Variants in USP28 observed in about 807,000 individuals in gnomAD.
The protein encoded by USP28 is ubiquitin specific peptidase 28.
Under a neutral mutation model 145.0 loss-of-function variants are expected in USP28, and 113 were observed. The ratio of observed to expected loss-of-function variants is 0.78; its 90% CI spans 0.67 to 0.91. The LOEUF (loss-of-function observed/expected upper bound fraction) is 0.91. Ranked by LOEUF, USP28 falls within the 40% of genes least tolerant of loss-of-function variation. The pLI, the probability that USP28 is intolerant of heterozygous loss-of-function variation, is 0.00. For missense variants in USP28, 1,201 were observed against 1,289.6 expected (o/e 0.93, Z 1.05); for synonymous variants, 447 against 450.9 (o/e 0.99, Z 0.11).
chr11:113,856,997 C>T (rs1947117201), intron 1 of USP28, among the ~76,000 whole-genome samples: 1 of 152,210 alleles, frequency 6.6e-6, no homozygotes, highest in African/African-American at 2.4e-5. Context: ...AACCAGCTAT[C>T]ATCAGAAGTA....
chr11:113,840,446 A>C, intron 5 of USP28, 152 bp downstream of exon 5: 1 of 980,242 alleles, frequency 1.0e-6, no homozygotes, highest in East Asian at 2.7e-5. Context: ...TTAGACATCA[A>C]AGCATCTAAA....
chr11:113,828,491 G>A (rs1943625166), intron 10 of USP28, among the ~76,000 whole-genome samples: 1 of 152,142 alleles, frequency 6.6e-6, no homozygotes. Flanking sequence ...GCTCATGTTA[G>A]GCTCCCTATT....
rs549826774 is a variant in USP28 at position 113,874,640 on chromosome 11, G to A, written c.57+805C>T. The A allele has an allele frequency of 4.9e-5, 63 of 1,282,160 alleles. No homozygotes were observed. The African/African-American group carries it at 9.2e-4, about 19-fold the overall frequency. 79.4% of individuals were successfully genotyped at this position (1,282,160 alleles called of 1,614,324 possible). A position where few individuals can be genotyped will look rare whatever the true frequency, so the allele number is the denominator to read the frequency against. ...AAAAGTGCAGTACTTGAGGGGTGAG[G>A]AGGTGGTGTTAAGTTATAACATTCC... On this transcript the variant is annotated intron_variant, in intron 1 of 24. Coordinates refer to ENST00000003302, the Ensembl canonical transcript of USP28.
chr11:113,839,338 A>G (rs1944934401), intron 5 of USP28, among the ~76,000 whole-genome samples: 1 of 152,166 alleles, frequency 6.6e-6, no homozygotes, highest in African/African-American at 2.4e-5. Flanking sequence ...TAATCCCAGC[A>G]CTTTGGAAGG....
At chr11:113,803,231 G>A in exon 23 of USP28, 1 of 1,614,036 alleles carries the variant, frequency 6.2e-7, no homozygotes, top group Non-Finnish European at 8.5e-7. Flanking sequence ...CATCAGCAGG[G>A]CAGCATTGCT....
intron 2 of USP28, among the ~76,000 whole-genome samples, chr11:113,853,139 C>T (rs1198292107): frequency 1.3e-5 from 2 of 151,806 alleles, no homozygotes; most frequent in Non-Finnish European, 2.9e-5. Flanking sequence ...CCCATCCCTA[C>T]CAAAAATACA....
intron 1 of USP28, among the ~76,000 whole-genome samples, chr11:113,870,441 C>A (rs1432543312): frequency 6.6e-6 from 1 of 152,204 alleles, no homozygotes; most frequent in South Asian, 2.1e-4. Flanking sequence ...GTGGGAGGAT[C>A]GCTTGAGCCT....
intron 12 of USP28, among the ~76,000 whole-genome samples, chr11:113,819,426 T>C (rs1453430662): frequency 6.6e-6 from 1 of 152,120 alleles, no homozygotes; most frequent in Non-Finnish European, 1.5e-5. Context: ...ATTTTTATTC[T>C]TAAACTGTAA....
rs556147385 is a variant in USP28 at position 113,806,162 on chromosome 11, C to A, written c.2400+327G>T. On this transcript the variant is annotated intron_variant, in intron 19 of 24. Coordinates refer to ENST00000003302, the Ensembl canonical transcript of USP28. ...CTATGTTGACCCGGCTGGTTTTGAA[C>A]TCCTGGCTTCAAGCAAGCCTCCCTC... Among the ~76,000 whole-genome samples the A allele has an allele frequency of 1.0e-3, 159 of 151,948 alleles. 1 individual carries two copies. Among genetic ancestry groups the A allele is most frequent in the Non-Finnish European group, 1.8e-3 (124 of 67,964 alleles).
intron 16 of USP28, among the ~76,000 whole-genome samples, chr11:113,810,056 A>G (rs1424031489): frequency 2.0e-4 from 31 of 151,464 alleles, no homozygotes; most frequent in Non-Finnish European, 1.9e-4. Flanking sequence ...AAAAAAAAAA[A>G]AGATTTGGAA....
intron 2 of USP28, 74 bp from the exon 3 acceptor site, chr11:113,852,707 A>G: frequency 6.5e-7 from 1 of 1,531,032 alleles, no homozygotes; most frequent in South Asian, 1.2e-5. Flanking sequence ...TATTAACTTT[A>G]TTACCCTGGT....
chr11:113,819,074 A>C lies in USP28; in HGVS notation c.1284-1237T>G, dbSNP rs113438577. Among the ~76,000 whole-genome samples, 43 of 152,048 alleles carry C rather than the reference A, an allele frequency of 2.8e-4. 1 individual carries two copies. The highest frequency in any genetic ancestry group is 1.0e-3 in the African/African-American group (42 of 41,502). On this transcript the variant is annotated intron_variant, in intron 12 of 24. Transcript: ENST00000003302. The stretch of plus-strand genomic sequence containing the variant: ...GAAATTCAATTTTCAAAAATATATC[A>C]AGGTTATCTTACAGAAGAAGAAATA...
chr11:113,816,945 A>C (rs1941831047), intron 13 of USP28, among the ~76,000 whole-genome samples: 1 of 152,182 alleles, frequency 6.6e-6, no homozygotes, highest in South Asian at 2.1e-4. Context: ...CTATGCATAC[A>C]TGGATGAATA....
chr11:113,799,466 T>A (rs766832760), intron 24 of USP28, 51 bp from the exon 26 acceptor site: 7 of 1,570,026 alleles, frequency 4.5e-6, no homozygotes, highest in Middle Eastern at 1.7e-4. Flanking sequence ...GATTTCTGAG[T>A]AAAAGTGAAC....
chr11:113,863,950 A>G (rs1040508459), intron 1 of USP28, among the ~76,000 whole-genome samples: 2 of 149,896 alleles, frequency 1.3e-5, no homozygotes, highest in Non-Finnish European at 3.0e-5. Context: ...GTCTCGAAAA[A>G]AAAAATTGCT....
chr11:113,830,303 T>G (rs545042822), intron 9 of USP28, among the ~76,000 whole-genome samples: 5 of 152,266 alleles, frequency 3.3e-5, no homozygotes, highest in African/African-American at 1.2e-4. Flanking sequence ...TGGTATTGGG[T>G]TATGTTTTAA....
At chr11:113,845,453 A>G (rs1387102307) in intron 3 of USP28, among the ~76,000 whole-genome samples, 2 of 150,456 alleles carry the variant, frequency 1.3e-5, no homozygotes, top group African/African-American at 4.9e-5. Context: ...AAAATTAATA[A>G]ATAAATAAAA....
chr11:113,826,683 G>A (rs1356576739), intron 11 of USP28, among the ~76,000 whole-genome samples: 1 of 151,932 alleles, frequency 6.6e-6, no homozygotes, highest in East Asian at 2.0e-4. Context: ...ACTTTGGGAG[G>A]CCAAGGCAGG....
intron 12 of USP28, among the ~76,000 whole-genome samples, chr11:113,823,273 C>T (rs984584800): frequency 6.6e-6 from 1 of 152,124 alleles, no homozygotes; most frequent in East Asian, 1.9e-4. Flanking sequence ...ACGGGACCAT[C>T]GTGACACTTG....
Sources: allele counts gnomAD v4.1 joint callset (sites outside exome capture counted in the v4.1 genomes callset), GRCh38; gene constraint gnomAD v4.1.1; transcripts MANE v1.5; gene names NCBI Gene and HGNC (gene_info 2026-07-23, HGNC 2026-07-21).